MINDY2: variants seen among roughly 807,000 people sequenced by gnomAD.
The protein encoded by MINDY2 is MINDY lysine 48 deubiquitinase 2, also known as ubiquitin carboxyl-terminal hydrolase MINDY-2.
MINDY2 carries 52 observed loss-of-function variants against 68.2 expected under a neutral mutation model. The ratio of observed to expected loss-of-function variants is 0.76; its 90% CI spans 0.61 to 0.96. The LOEUF (loss-of-function observed/expected upper bound fraction) is 0.96. Among genes scored for constraint, MINDY2 ranks in the 40% least tolerant of loss-of-function variants. The pLI is 0.00. For synonymous variants in MINDY2, 372 were observed against 303.0 expected (o/e 1.23, Z -2.36); for missense variants, 881 against 773.4 (o/e 1.14, Z -1.65).
chr15:58,850,295 T>C (rs1021625162), intron 7 of MINDY2, among the ~76,000 whole-genome samples: 5 of 152,246 alleles, frequency 3.3e-5, no homozygotes, highest in Non-Finnish European at 5.9e-5. Context: ...TTAAAAGTCA[T>C]CTTTTAGAAG....
Position 58,810,320 on chromosome 15 carries a change from A to G in MINDY2, c.1054A>G (p.Thr352Ala). The change falls in exon 4 of 9, where the codon ACA becomes GCA. Residue 352 changes from threonine (T) to alanine (A), a missense_variant. Coordinates refer to ENST00000559228, the MANE Select transcript of MINDY2 (RefSeq NM_001040450.3). ...CACTGGTGTTCGAGTGTTTGAATAT[A>G]CACCAGAATGCATAGTATTTGATCT... ...RFTGVRVFEY[T>A]PECIVFDLLD... 6.2e-7 allele frequency: 1 copy of G among 1,613,942 alleles called. No individual in the cohort carries two copies. The highest frequency in any genetic ancestry group is 8.5e-7 in the Non-Finnish European group (1 of 1,179,936).
rs1555429202 is a variant in MINDY2 at position 58,794,379 on chromosome 15, G to GTGTGTGTA, written c.898+6423_898+6424insATGTGTGT. Among the ~76,000 whole-genome samples the GTGTGTGTA allele has an allele frequency of 6.0e-3, 909 of 151,466 alleles. 11 individuals carry two copies. Among genetic ancestry groups the GTGTGTGTA allele is most frequent in the African/African-American group, 0.021 (867 of 41,192 alleles). On this transcript the variant is annotated intron_variant, in intron 2 of 8. Coordinates refer to ENST00000559228, the MANE Select transcript of MINDY2 (RefSeq NM_001040450.3). ...TTGGGGTGTGTGTGTGTGTGTGTGT[G>GTGTGTGTA]TGTGTGTGTGTGTGTGTTTTAAGAA... is the stretch of plus-strand genomic sequence containing the variant.
At chr15:58,794,422 A>G (rs1902151856) in intron 2 of MINDY2, among the ~76,000 whole-genome samples, 1 of 150,166 alleles carries the variant, frequency 6.7e-6, no homozygotes, top group Admixed American at 6.7e-5. Context: ...TTTTTGTTGG[A>G]GAAGAGGTCA....
chr15:58,832,336 C>A (rs2141022130), intron 6 of MINDY2, among the ~76,000 whole-genome samples: 1 of 149,290 alleles, frequency 6.7e-6, no homozygotes, highest in Admixed American at 6.7e-5. Context: ...AGGCGCTTCT[C>A]CTACCTCAGC....
chr15:58,847,329 G>C lies in MINDY2; in HGVS notation c.1401G>C (p.Gly467=). The C allele has an allele frequency of 1.3e-6, 2 of 1,591,704 alleles. No individual in the cohort carries two copies. Among genetic ancestry groups the C allele is most frequent in the Non-Finnish European group, 1.7e-6 (2 of 1,162,906 alleles). ...TGTATTTGTTGGTAACGGACCAGGG[G>C]TTTCTTACTGAAGAGAAAGTTGTTT... The part of the protein sequence containing the change: ...GQLYLLVTDQ[G]FLTEEKVVWE... The change falls in exon 7 of 9, where the codon GGG becomes GGC. Residue 467 remains glycine, a synonymous_variant. Coordinates refer to ENST00000559228, the MANE Select transcript of MINDY2 (RefSeq NM_001040450.3).
chr15:58,828,679 G>C (rs537180316), intron 5 of MINDY2, among the ~76,000 whole-genome samples: 13 of 144,042 alleles, frequency 9.0e-5, no homozygotes, highest in African/African-American at 3.4e-4. Flanking sequence ...TCCTGCCTCA[G>C]CCTCCCGGGT....
chr15:58,840,628 C>CTTA (rs71119408), intron 6 of MINDY2, among the ~76,000 whole-genome samples: 12,289 of 139,128 alleles, frequency 0.088, 567 homozygotes, highest in African/African-American at 0.11. Flanking sequence ...TATTTATTTA[C>CTTA]TTATTATTAT....
intron 6 of MINDY2, among the ~76,000 whole-genome samples, chr15:58,845,896 A>C (rs2032505674): frequency 6.6e-6 from 1 of 152,238 alleles, no homozygotes; most frequent in Admixed American, 6.5e-5. Context: ...CAAATGCAAC[A>C]ACATGGATGG....
At chr15:58,851,680 T>TA in intron 7 of MINDY2, 91 bp from the exon 8 acceptor site, 1 of 994,992 alleles carries the variant, frequency 1.0e-6, no homozygotes, top group Non-Finnish European at 1.4e-6. Flanking sequence ...TAGCCATTCT[T>TA]ACAGCTTTAT....
At chr15:58,854,243 CAA>C (rs770015247) in intron 8 of MINDY2, among the ~76,000 whole-genome samples, 15 of 107,330 alleles carry the variant, frequency 1.4e-4, no homozygotes, top group Admixed American at 1.8e-4. Context: ...GACTCTGTCT[CAA>C]AAAAAAAAAA....
intron 8 of MINDY2, 79 bp from the exon 9 acceptor site, chr15:58,854,403 C>A (rs1245656055): frequency 2.7e-6 from 4 of 1,494,888 alleles, no homozygotes; most frequent in African/African-American, 1.4e-5. Flanking sequence ...TCCACTGTTA[C>A]AGTTTTCCTT....
At chr15:58,832,243 T>TG (rs397770822) in intron 6 of MINDY2, among the ~76,000 whole-genome samples, 1 of 151,744 alleles carries the variant, frequency 6.6e-6, no homozygotes, top group East Asian at 1.9e-4. Context: ...TTTTTTTTTT[T>TG]GAAATGGAAT....
intron 5 of MINDY2, among the ~76,000 whole-genome samples, chr15:58,828,947 T>C (rs1203129089): frequency 6.6e-6 from 1 of 152,216 alleles, no homozygotes; most frequent in Admixed American, 6.5e-5. Flanking sequence ...AATAATACTC[T>C]ATTATCATTA....
In MINDY2 at chr15:58,771,386, G is replaced by A. The variant is rs188970477; in HGVS notation, c.-10G>A. On this transcript the variant is annotated 5_prime_UTR_variant, in exon 1 of 9. Coordinates refer to ENST00000559228, the MANE Select transcript of MINDY2 (RefSeq NM_001040450.3). ...GCGGTCTCCATAGAGCTGGGGGCGG[G>A]CGGCCCGGTATGGAGAGCAGCCCCG... 7,562 of 1,599,336 alleles carry A rather than the reference G, an allele frequency of 4.7e-3. 22 individuals are homozygous for A. The highest frequency in any genetic ancestry group is 8.0e-3 in the Middle Eastern group (44 of 5,496).
In MINDY2 at chr15:58,857,573, T is replaced by G. The variant is rs550850642; in HGVS notation, c.*2963T>G. ...AAAAAAAATTAGAGCTATTGTGTCT[T>G]TATTTTCTTAAATTTTGCCCAAGGT... On this transcript the variant is annotated 3_prime_UTR_variant, in exon 9 of 9. Transcript: ENST00000559228. 2.0e-5 allele frequency: 3 copies of G among 151,632 alleles called. No individual in the cohort carries two copies. The highest frequency in any genetic ancestry group is 4.4e-5 in the Non-Finnish European group (3 of 67,942). 9.4% of individuals were successfully genotyped at this position (151,632 alleles called of 1,614,324 possible).
chr15:58,802,259 C>T, intron 2 of MINDY2, 54 bp from the exon 3 acceptor site: 2 of 1,173,310 alleles, frequency 1.7e-6, no homozygotes, highest in Non-Finnish European at 2.4e-6. Flanking sequence ...CTTTTGTAAT[C>T]AGAAAAACAA....
intron 2 of MINDY2, among the ~76,000 whole-genome samples, chr15:58,790,592 G>GGT (rs1901823354): frequency 6.6e-6 from 1 of 152,096 alleles, no homozygotes; most frequent in African/African-American, 2.4e-5. Flanking sequence ...CCTTAGTGGG[G>GGT]GGTAAGACAA....
chr15:58,787,104 A>C (rs1336428156), intron 1 of MINDY2, among the ~76,000 whole-genome samples: 1 of 145,552 alleles, frequency 6.9e-6, no homozygotes. Flanking sequence ...TGCTGGGATT[A>C]CTGGCGTGAG....
chr15:58,853,819 T>TAAAAAAAAA (rs10563818), intron 8 of MINDY2, among the ~76,000 whole-genome samples: 1 of 102,202 alleles, frequency 9.8e-6, no homozygotes, highest in Non-Finnish European at 1.9e-5. Flanking sequence ...TCCATCTCAA[T>TAAAAAAAAA]AAAAAAAAAA....
Sources: gnomAD v4.1 joint callset for allele counts (sites outside exome capture counted in the v4.1 genomes callset) on GRCh38, gnomAD v4.1.1 for gene constraint, MANE v1.5 for transcripts, NCBI Gene and HGNC (gene_info 2026-07-23, HGNC 2026-07-21) for gene names.